Variants in HHAT observed in about 807,000 individuals in gnomAD.
HHAT encodes protein-cysteine N-palmitoyltransferase HHAT.
Under a neutral mutation model 70.8 loss-of-function variants are expected in HHAT, and 47 were observed. The observed-to-expected ratio is 0.66, with a 90% CI of 0.53 to 0.85. The LOEUF is 0.85. Ranked by LOEUF, HHAT falls within the 40% of genes least tolerant of loss-of-function variation. The probability of loss-of-function intolerance (pLI) is 0.00; values close to 1 mark genes in which losing one functional copy is unlikely to be tolerated. For synonymous variants in HHAT, 228 were observed against 247.6 expected, an observed-to-expected ratio of 0.92 and a Z score of 0.74; for missense variants, 609 against 604.8, an observed-to-expected ratio of 1.01 and a Z score of -0.07.
chr1:210,470,890 T>C (rs1209630798), intron 8 of HHAT, among the ~76,000 whole-genome samples: 1 of 152,224 alleles, frequency 6.6e-6, no homozygotes, highest in Non-Finnish European at 1.5e-5. Flanking sequence ...GGAGATACTA[T>C]AAATGGTATC....
upstream of HHAT, chr1:210,328,824 C>T (rs773436042): frequency 1.6e-4 from 65 of 398,592 alleles, no homozygotes; most frequent in Non-Finnish European, 2.6e-4. Context: ...CTCTGGCCCG[C>T]CCCCTGCAGC....
intron 11 of HHAT, among the ~76,000 whole-genome samples, chr1:210,664,367 A>G (rs1030344504): frequency 2.0e-5 from 3 of 152,222 alleles, no homozygotes; most frequent in African/African-American, 7.2e-5. Context: ...AGATCTGAAC[A>G]TGGTTAAACT....
intron 11 of HHAT, among the ~76,000 whole-genome samples, chr1:210,656,733 G>GC (rs1294434877): frequency 6.6e-6 from 1 of 152,126 alleles, no homozygotes. Flanking sequence ...AAGAGCCCTT[G>GC]CCCCATCCCC....
chr1:210,330,418 T>C (rs1021272117), intron 1 of HHAT, among the ~76,000 whole-genome samples: 1 of 152,224 alleles, frequency 6.6e-6, no homozygotes, highest in African/African-American at 2.4e-5. Flanking sequence ...GAGAAAGCCT[T>C]GGAGGGGAGC....
intron 11 of HHAT, among the ~76,000 whole-genome samples, chr1:210,637,871 A>G (rs74908293): frequency 3.8e-4 from 45 of 117,494 alleles, no homozygotes; most frequent in African/African-American, 9.7e-4. Context: ...AAAAAAAAAA[A>G]GGGGGGGGCA....
At chr1:210,472,662 G>T (rs562526452) in intron 8 of HHAT, among the ~76,000 whole-genome samples, 1 of 152,312 alleles carries the variant, frequency 6.6e-6, no homozygotes, top group East Asian at 1.9e-4. Context: ...GGTTTATTCT[G>T]AGCCAAATAT....
intron 1 of HHAT, among the ~76,000 whole-genome samples, chr1:210,333,348 C>T (rs1385359893): frequency 1.3e-5 from 2 of 152,106 alleles, no homozygotes; most frequent in Non-Finnish European, 1.5e-5. Context: ...CACTTGAGCC[C>T]AGGAGGTCAA....
intron 4 of HHAT, among the ~76,000 whole-genome samples, chr1:210,391,030 T>A (rs1180118096): frequency 6.6e-6 from 1 of 152,222 alleles, no homozygotes; most frequent in African/African-American, 2.4e-5. Flanking sequence ...GTGGGATTGC[T>A]GGATCAAATG....
Position 210,400,512 on chromosome 1 carries a change from G to T in HHAT, c.318G>T (p.Trp106Cys), listed in dbSNP as rs1453153427. The change falls in exon 5 of 12, where the codon TGG becomes TGT. Residue 106 changes from tryptophan to cysteine, a missense_variant. Physicochemically the swap from Trp to Cys is radical, Grantham distance 215. Transcript: ENST00000261458. ...TGCTCTATGGGATGTGGGCCTGCTGGTGTGTGCTGGGGACCCCTGGTGTGG... is the reference window on the plus strand; with the variant it reads ...TGCTCTATGGGATGTGGGCCTGCTGTTGTGTGCTGGGGACCCCTGGTGTGG... Reference protein sequence around the residue: ...ILMLYGMWACWCVLGTPGVAM... With the variant: ...ILMLYGMWACCCVLGTPGVAM... 2 of 1,614,018 alleles carry T rather than the reference G, an allele frequency of 1.2e-6. No individual in the cohort carries two copies. Among genetic ancestry groups the T allele is most frequent in the Admixed American group, 3.3e-5 (2 of 60,014 alleles).
rs75528382 is a variant in HHAT, at chr1:210,518,425, T to G, written c.1043+5237T>G. 2.1e-3 allele frequency among the ~76,000 whole-genome samples: 321 copies of G among 152,354 alleles called. 6 individuals are homozygous for G. The East Asian group carries it at 0.035, about 17-fold the overall frequency. The stretch of plus-strand genomic sequence containing the variant: ...TCACAAATAACAGGATTTCATTCTT[T>G]TTTATGGCTGCATAGTATTCCATTG... On this transcript the variant is annotated intron_variant, in intron 9 of 11. Transcript: ENST00000261458.
chr1:210,518,492 T>C (rs564150167), intron 9 of HHAT, among the ~76,000 whole-genome samples: 2 of 152,308 alleles, frequency 1.3e-5, no homozygotes, highest in African/African-American at 4.8e-5. Flanking sequence ...AATCTCTAAA[T>C]TTAAAACATT....
At chr1:210,650,369 T>A (rs1674888702) in intron 11 of HHAT, among the ~76,000 whole-genome samples, 1 of 152,188 alleles carries the variant, frequency 6.6e-6, no homozygotes, top group Non-Finnish European at 1.5e-5. Flanking sequence ...GAGTTCTGGC[T>A]CCTAAAACTG....
At chr1:210,442,468 C>A (rs1393859231) in intron 7 of HHAT, among the ~76,000 whole-genome samples, 1 of 147,808 alleles carries the variant, frequency 6.8e-6, no homozygotes, top group South Asian at 2.2e-4. Flanking sequence ...GTCCCACCAA[C>A]AGTGTAAAAG....
Position 210,548,742 on chromosome 1 carries a change from T to G in HHAT, c.1043+35554T>G, listed in dbSNP as rs151291295. On this transcript the variant is annotated intron_variant, in intron 9 of 11. Coordinates refer to ENST00000261458, the MANE Select transcript of HHAT (RefSeq NM_018194.6). ...CTTGTTAATGGTATTAATTGAAAATTACAGAAGCATATGGAATTCCTGTTA... is the reference window on the plus strand; with the variant it reads ...CTTGTTAATGGTATTAATTGAAAATGACAGAAGCATATGGAATTCCTGTTA... Among the ~76,000 whole-genome samples, 195 of 152,354 alleles carry G rather than the reference T, an allele frequency of 1.3e-3. 1 individual carries two copies. The highest frequency in any genetic ancestry group is 4.5e-3 in the African/African-American group (187 of 41,570).
chr1:210,647,366 A>G (rs1289812406), intron 11 of HHAT, among the ~76,000 whole-genome samples: 1 of 152,084 alleles, frequency 6.6e-6, no homozygotes, highest in Non-Finnish European at 1.5e-5. Context: ...ACTTCTACAT[A>G]CCTTTCGGGG....
intron 9 of HHAT, among the ~76,000 whole-genome samples, chr1:210,531,164 C>A (rs1573076102): frequency 6.6e-6 from 1 of 152,180 alleles, no homozygotes; most frequent in Non-Finnish European, 1.5e-5. Flanking sequence ...TGTAGGTACT[C>A]ATCTATCTAA....
At chr1:210,617,276 G>C (rs1667944554) in intron 10 of HHAT, among the ~76,000 whole-genome samples, 1 of 152,202 alleles carries the variant, frequency 6.6e-6, no homozygotes, top group Admixed American at 6.5e-5. Flanking sequence ...GTTAAGATTA[G>C]GAAATAAAAT....
At position 210,469,246 on chromosome 1, in the gene HHAT, A is replaced by G. The variant is rs184241649; in HGVS notation, c.1007+4591A>G. ...TGGAAGCAGTATGGGCTGGACCTTC[A>G]GAGGAGTGGCCTTGGTCTTGTCATT... On this transcript the variant is annotated intron_variant, in intron 8 of 11. Coordinates refer to ENST00000261458, the MANE Select transcript of HHAT (RefSeq NM_018194.6). Among the ~76,000 whole-genome samples the G allele has an allele frequency of 1.4e-4, 22 of 152,230 alleles. No homozygotes were observed. In the East Asian group the frequency reaches 4.3e-3, roughly 29 times the overall value.
chr1:210,342,954 T>C (rs1285507497), intron 1 of HHAT, among the ~76,000 whole-genome samples: 1 of 152,088 alleles, frequency 6.6e-6, no homozygotes, highest in African/African-American at 2.4e-5. Context: ...AGTAGGGAAA[T>C]AATTTTCCTA....
Sources: allele counts gnomAD v4.1 joint callset (sites outside exome capture counted in the v4.1 genomes callset), GRCh38; gene constraint gnomAD v4.1.1; transcripts MANE v1.5; gene names NCBI Gene and HGNC (gene_info 2026-07-23, HGNC 2026-07-21).